SGIP1: variants seen among roughly 807,000 people sequenced by gnomAD.
The protein encoded by SGIP1 is SH3-containing GRB2-like protein 3-interacting protein 1.
A neutral mutation model predicts 107.5 loss-of-function variants in SGIP1; 38 were observed. The observed-to-expected ratio is 0.35, with a 90% confidence interval of 0.27 to 0.46. SGIP1 has a LOEUF of 0.46. SGIP1 is among the 20% of genes least tolerant of loss of function. The probability of loss-of-function intolerance (pLI) is 1.00; values close to 1 mark genes in which losing one functional copy is unlikely to be tolerated. For synonymous variants in SGIP1, 365 were observed against 366.1 expected (o/e 1.00, Z 0.03); for missense variants, 929 against 1,019.5 (o/e 0.91, Z 1.21).
intron 7 of SGIP1, among the ~76,000 whole-genome samples, chr1:66,648,828 G>T (rs1205240933): frequency 6.6e-6 from 1 of 152,132 alleles, no homozygotes; most frequent in East Asian, 1.9e-4. Context: ...ATTGTCCTGG[G>T]CCCCAGCCCA....
At chr1:66,540,201 T>A (rs1183491648) in intron 1 of SGIP1, among the ~76,000 whole-genome samples, 5 of 150,120 alleles carry the variant, frequency 3.3e-5, no homozygotes, top group African/African-American at 1.2e-4. Context: ...AGTGATAAAT[T>A]GTGAGAAATA....
At chr1:66,589,562 C>T (rs777691616) in intron 1 of SGIP1, among the ~76,000 whole-genome samples, 8 of 152,096 alleles carry the variant, frequency 5.3e-5, no homozygotes, top group Non-Finnish European at 1.0e-4. Flanking sequence ...TGTGCCTCCC[C>T]ACCAACCAGC....
At chr1:66,712,946 C>G (rs548969712) in intron 18 of SGIP1, among the ~76,000 whole-genome samples, 1 of 152,236 alleles carries the variant, frequency 6.6e-6, no homozygotes, top group South Asian at 2.1e-4. Flanking sequence ...TCTGGAGATG[C>G]TTTTTTGTCG....
At chr1:66,562,820 G>T (rs1201032836) in intron 1 of SGIP1, among the ~76,000 whole-genome samples, 1 of 152,048 alleles carries the variant, frequency 6.6e-6, no homozygotes, top group Non-Finnish European at 1.5e-5. Context: ...CATGAGCAAG[G>T]TTCTGGAACA....
intron 7 of SGIP1, among the ~76,000 whole-genome samples, chr1:66,648,217 A>C (rs1345943842): frequency 6.6e-6 from 1 of 152,156 alleles, no homozygotes; most frequent in Non-Finnish European, 1.5e-5. Flanking sequence ...TCTGCAGTTG[A>C]GGCAGATCCT....
At chr1:66,572,968 T>A (rs1364541704) in intron 1 of SGIP1, among the ~76,000 whole-genome samples, 1 of 152,070 alleles carries the variant, frequency 6.6e-6, no homozygotes, top group African/African-American at 2.4e-5. Context: ...AAAAGATATA[T>A]TGCATTATTC....
intron 1 of SGIP1, among the ~76,000 whole-genome samples, chr1:66,592,260 G>A (rs926196197): frequency 6.6e-5 from 10 of 152,114 alleles, no homozygotes; most frequent in South Asian, 4.2e-4. Context: ...GTGGCCTTCC[G>A]CAGTGTATTG....
intron 1 of SGIP1, among the ~76,000 whole-genome samples, chr1:66,619,100 C>G (rs12129319): frequency 0.15 from 22,390 of 152,104 alleles, 2,176 homozygotes; most frequent in East Asian, 0.46. Flanking sequence ...ACCTCCTCTT[C>G]TTAAAGCTCC....
At chr1:66,559,732 C>T (rs1489660191) in intron 1 of SGIP1, among the ~76,000 whole-genome samples, 1 of 151,996 alleles carries the variant, frequency 6.6e-6, no homozygotes, top group East Asian at 1.9e-4. Flanking sequence ...GTTTAGAACC[C>T]AGACACATTT....
intron 18 of SGIP1, among the ~76,000 whole-genome samples, chr1:66,697,685 A>G (rs923708080): frequency 1.3e-5 from 2 of 152,194 alleles, no homozygotes; most frequent in Non-Finnish European, 2.9e-5. Context: ...TGTTTTCATC[A>G]TGTATGTACG....
intron 7 of SGIP1, among the ~76,000 whole-genome samples, chr1:66,651,636 C>T (rs1488554227): frequency 4.6e-5 from 7 of 152,286 alleles, no homozygotes; most frequent in African/African-American, 1.4e-4. Flanking sequence ...AGACTTTCTC[C>T]CCACTGAGTT....
intron 1 of SGIP1, among the ~76,000 whole-genome samples, chr1:66,611,212 T>C (rs985876559): frequency 6.6e-6 from 1 of 152,224 alleles, no homozygotes; most frequent in African/African-American, 2.4e-5. Context: ...AATGCATGAT[T>C]TATTTAGTCT....
At position 66,616,143 on chromosome 1, in the gene SGIP1, T is replaced by C. The variant is rs537200976; in HGVS notation, c.11-9704T>C. 2.0e-5 allele frequency: 3 copies of C among 152,372 alleles called. No individual in the cohort carries two copies. In the South Asian group the frequency reaches 6.2e-4, roughly 32 times the overall value. 9.4% of individuals were successfully genotyped at this position (152,372 alleles called of 1,614,324 possible). A position where few individuals can be genotyped will look rare whatever the true frequency, so the allele number is the denominator to read the frequency against. ...TTGTGAGTGTTTTAATCCCCACTTA[T>C]ATTTTATGATAGATGTTAGTCAATG... On this transcript the variant is annotated intron_variant, in intron 1 of 24. Coordinates refer to ENST00000371037, the MANE Select transcript of SGIP1 (RefSeq NM_032291.4).
chr1:66,695,287 CT>C, intron 17 of SGIP1, 146 bp from the exon 18 acceptor site: 1 of 1,264,566 alleles, frequency 7.9e-7, no homozygotes, highest in Non-Finnish European at 1.0e-6. Context: ...GATTGCCAGC[CT>C]TCCCTTTTTC....
chr1:66,563,580 G>A (rs752788336), intron 1 of SGIP1, among the ~76,000 whole-genome samples: 1 of 152,036 alleles, frequency 6.6e-6, no homozygotes, highest in Non-Finnish European at 1.5e-5. Context: ...AAGTGCTAGT[G>A]ATTTAGAGTT....
intron 20 of SGIP1, among the ~76,000 whole-genome samples, chr1:66,732,354 T>C (rs2094050191): frequency 6.6e-6 from 1 of 152,188 alleles, no homozygotes; most frequent in Non-Finnish European, 1.5e-5. Context: ...GCAACAGCTC[T>C]GGGAGCTTGG....
At chr1:66,687,298 C>CAA (rs550250808) in intron 15 of SGIP1, among the ~76,000 whole-genome samples, 2,500 of 137,666 alleles carry the variant, frequency 0.018, 76 homozygotes, top group African/African-American at 0.062. Flanking sequence ...CCATCAACAC[C>CAA]AAAAAAAAAA....
chr1:66,729,143 C>T, intron 19 of SGIP1, 121 bp from the exon 20 acceptor site: 1 of 1,124,982 alleles, frequency 8.9e-7, no homozygotes, highest in Non-Finnish European at 1.3e-6. Flanking sequence ...ATTGTAAGAG[C>T]CTGCCTTTTA....
chr1:66,702,259 G>A (rs865968481), intron 18 of SGIP1, among the ~76,000 whole-genome samples: 8 of 152,286 alleles, frequency 5.3e-5, no homozygotes, highest in South Asian at 2.1e-4. Flanking sequence ...TTAGAGGGGA[G>A]TTATTGATAA....
Sources: allele counts gnomAD v4.1 joint callset (sites outside exome capture counted in the v4.1 genomes callset), GRCh38; gene constraint gnomAD v4.1.1; transcripts MANE v1.5; gene names NCBI Gene and HGNC (gene_info 2026-07-23, HGNC 2026-07-21).